The following SAMD12 variants were observed in gnomAD, a reference collection of about 807,000 sequenced individuals.
SAMD12 encodes sterile alpha motif domain-containing protein 12.
In SAMD12, 9 loss-of-function variants were observed where a neutral mutation model predicts 15.0. That is an observed-to-expected ratio of 0.60 (90% CI 0.36 to 1.05). SAMD12 has a LOEUF of 1.05. SAMD12 is among the 50% of genes least tolerant of loss of function. SAMD12 has a pLI of 0.01. For missense variants in SAMD12, 230 were observed against 234.2 expected (o/e 0.98, Z 0.12); for synonymous variants, 86 against 90.1 (o/e 0.96, Z 0.25).
rs576936263 is a variant in SAMD12, at chr8:118,360,542, G to A, written c.433+19018C>T. 2.4e-4 allele frequency among the ~76,000 whole-genome samples: 37 copies of A among 151,560 alleles called. No individual in the cohort carries two copies. In the East Asian group the frequency reaches 4.3e-3, roughly 17 times the overall value. On this transcript the variant is annotated intron_variant, in intron 4 of 4. Transcript: ENST00000409003. The stretch of plus-strand genomic sequence containing the variant: ...AAGGTAAAAGAAAAAAAAAAACCAC[G>A]AAACAAACAAAACAAAACACAAAAC...
chr8:118,282,559 T>C (rs1813701609), intron 4 of SAMD12, among the ~76,000 whole-genome samples: 1 of 152,194 alleles, frequency 6.6e-6, no homozygotes, highest in African/African-American at 2.4e-5. Flanking sequence ...ACCTCAGCAG[T>C]GAGTGCTGTA....
chr8:118,442,013 C>T (rs1185264547), intron 2 of SAMD12, among the ~76,000 whole-genome samples: 3 of 152,146 alleles, frequency 2.0e-5, no homozygotes, highest in Non-Finnish European at 2.9e-5. Context: ...CAGCCACCAG[C>T]CTTCAAATCT....
chr8:118,256,275 A>G (rs1812936888), intron 4 of SAMD12, among the ~76,000 whole-genome samples: 1 of 152,122 alleles, frequency 6.6e-6, no homozygotes, highest in Admixed American at 6.6e-5. Flanking sequence ...ATGTGCACCT[A>G]CATTATTACA....
intron 2 of SAMD12, among the ~76,000 whole-genome samples, chr8:118,485,546 G>A (rs1433009796): frequency 6.6e-6 from 1 of 152,136 alleles, no homozygotes; most frequent in Non-Finnish European, 1.5e-5. Context: ...TCTGGACTAT[G>A]ACATTTGTGC....
At chr8:118,467,369 T>C (rs953162216) in intron 2 of SAMD12, among the ~76,000 whole-genome samples, 2 of 152,208 alleles carry the variant, frequency 1.3e-5, no homozygotes, top group Non-Finnish European at 2.9e-5. Flanking sequence ...AGTGATATAA[T>C]CCACGTACAC....
At chr8:118,247,984 C>T (rs796276578) in intron 4 of SAMD12, among the ~76,000 whole-genome samples, 42 of 152,202 alleles carry the variant, frequency 2.8e-4, no homozygotes, top group African/African-American at 9.6e-4. Flanking sequence ...GTCACTATGC[C>T]AAATGGTGCC....
intron 4 of SAMD12, among the ~76,000 whole-genome samples, chr8:118,225,749 T>G (rs1812175485): frequency 6.6e-6 from 1 of 152,152 alleles, no homozygotes; most frequent in Non-Finnish European, 1.5e-5. Context: ...TTCAAAGAGC[T>G]TACAGTTCAA....
chr8:118,289,654 C>T (rs148039035), intron 4 of SAMD12, among the ~76,000 whole-genome samples: 45 of 152,178 alleles, frequency 3.0e-4, no homozygotes, highest in African/African-American at 1.1e-3. Flanking sequence ...AGAATCAGGG[C>T]TGCTGACACT....
At chr8:118,495,857 A>G (rs1436752552) in intron 2 of SAMD12, among the ~76,000 whole-genome samples, 3 of 152,166 alleles carry the variant, frequency 2.0e-5, no homozygotes, top group African/African-American at 7.2e-5. Flanking sequence ...AAATAATACA[A>G]TTTATAATAT....
At chr8:118,238,598 A>G (rs887485529) in intron 4 of SAMD12, among the ~76,000 whole-genome samples, 4 of 152,172 alleles carry the variant, frequency 2.6e-5, no homozygotes, top group African/African-American at 9.6e-5. Flanking sequence ...GAAGCTATAG[A>G]CATAAATTAT....
intron 4 of SAMD12, among the ~76,000 whole-genome samples, chr8:118,200,723 GATGGGCTTT>G (rs1344074994): frequency 2.0e-5 from 3 of 152,244 alleles, no homozygotes; most frequent in Non-Finnish European, 4.4e-5. Context: ...ACCATGCTGA[GATGGGCTTT>G]ATGGGAGGAC....
At chr8:118,519,736 A>T (rs757540502) in intron 2 of SAMD12, among the ~76,000 whole-genome samples, 3 of 152,222 alleles carry the variant, frequency 2.0e-5, no homozygotes, top group Non-Finnish European at 2.9e-5. Flanking sequence ...CTTCAAGAAC[A>T]TGCTGCCATT....
At chr8:118,155,386 A>G in the SAMD12 span, among the ~76,000 whole-genome samples, 1 of 152,220 alleles carries the variant, frequency 6.6e-6, no homozygotes. Flanking sequence ...ACATCTAACA[A>G]TAGTTTATAA....
At chr8:118,253,106 G>C (rs1812856837) in intron 4 of SAMD12, among the ~76,000 whole-genome samples, 1 of 152,210 alleles carries the variant, frequency 6.6e-6, no homozygotes, top group South Asian at 2.1e-4. Context: ...GCTTTAGTGA[G>C]AGATGGAACA....
intron 4 of SAMD12, among the ~76,000 whole-genome samples, chr8:118,351,331 G>A (rs1285851343): frequency 6.6e-6 from 1 of 152,176 alleles, no homozygotes. Flanking sequence ...TTGCTGATTA[G>A]ATCAAAGCTG....
chr8:118,602,578 C>G (rs1827887440), intron 1 of SAMD12, among the ~76,000 whole-genome samples: 2 of 152,102 alleles, frequency 1.3e-5, no homozygotes, highest in Admixed American at 1.3e-4. Flanking sequence ...AATGGGTGGA[C>G]AGAAGTACAA....
intron 2 of SAMD12, among the ~76,000 whole-genome samples, chr8:118,552,296 G>A (rs1028871347): frequency 2.5e-4 from 38 of 152,158 alleles, no homozygotes; most frequent in South Asian, 1.7e-3. Context: ...CCGGCAAACC[G>A]AATCCAGCAG....
At chr8:118,463,991 T>C (rs571932016) in intron 2 of SAMD12, among the ~76,000 whole-genome samples, 15 of 152,298 alleles carry the variant, frequency 9.8e-5, no homozygotes, top group African/African-American at 3.6e-4. Context: ...TGTGAGACTA[T>C]GTCTGAGTTT....
downstream of SAMD12, among the ~76,000 whole-genome samples, chr8:118,374,718 A>G (rs1033323813): frequency 3.3e-5 from 5 of 152,014 alleles, no homozygotes; most frequent in African/African-American, 1.2e-4. Context: ...GCATTTCTCT[A>G]ATGATTAGTG....
Sources: gnomAD v4.1 joint callset for allele counts (sites outside exome capture counted in the v4.1 genomes callset) on GRCh38, gnomAD v4.1.1 for gene constraint, MANE v1.5 for transcripts, NCBI Gene and HGNC (gene_info 2026-07-23, HGNC 2026-07-21) for gene names.